RGS6: variants seen among roughly 807,000 people sequenced by gnomAD.
RGS6 encodes regulator of G protein signaling 6, also known as regulator of G-protein signaling 6.
RGS6 carries 30 observed loss-of-function variants against 78.5 expected under a neutral mutation model. That is an observed-to-expected ratio of 0.38 (90% CI 0.29 to 0.52). The LOEUF is 0.52. Among genes scored for constraint, RGS6 ranks in the 20% least tolerant of loss-of-function variants. The pLI, the probability that RGS6 is intolerant of heterozygous loss-of-function variation, is 0.85. For synonymous variants in RGS6, 206 were observed against 206.0 expected, an observed-to-expected ratio of 1.00 and a Z score of 0.00; for missense variants, 495 against 609.7, an observed-to-expected ratio of 0.81 and a Z score of 1.98.
At chr14:72,401,849 CTGTT>C (rs1196229975) in intron 3 of RGS6, among the ~76,000 whole-genome samples, 1 of 152,152 alleles carries the variant, frequency 6.6e-6, no homozygotes, top group Non-Finnish European at 1.5e-5. Context: ...AGCAAAAAGA[CTGTT>C]TGATTTGGAG....
the RGS6 span, chr14:72,612,552 C>T: frequency 3.9e-6 from 2 of 514,730 alleles, no homozygotes; most frequent in Admixed American, 2.0e-5. Flanking sequence ...CACCCCACTC[C>T]TTAGCATCTA....
intron 2 of RGS6, among the ~76,000 whole-genome samples, chr14:72,333,503 C>T (rs1187420904): frequency 6.6e-6 from 1 of 152,172 alleles, no homozygotes; most frequent in Non-Finnish European, 1.5e-5. Context: ...GCTCTCTGGC[C>T]CTCTTCTTTC....
chr14:72,442,618 C>G (rs2095245736), intron 3 of RGS6, among the ~76,000 whole-genome samples: 1 of 152,234 alleles, frequency 6.6e-6, no homozygotes, highest in Non-Finnish European at 1.5e-5. Context: ...GATAAACTCA[C>G]CACTTACTGA....
chr14:72,480,569 GT>G (rs2096352921), intron 12 of RGS6, among the ~76,000 whole-genome samples: 1 of 152,190 alleles, frequency 6.6e-6, no homozygotes, highest in Admixed American at 6.5e-5. Context: ...CGACACGAGG[GT>G]TTTTCATTAG....
chr14:72,454,472 T>G, intron 3 of RGS6, 56 bp from the exon 4 acceptor site: 12 of 1,526,056 alleles, frequency 7.9e-6, no homozygotes, highest in Non-Finnish European at 1.1e-5. Context: ...ATGTTTCTTC[T>G]GCCACAGTGT....
chr14:71,973,950 GA>G (rs1467438224), intron 2 of RGS6, among the ~76,000 whole-genome samples: 1 of 152,164 alleles, frequency 6.6e-6, no homozygotes, highest in Non-Finnish European at 1.5e-5. Flanking sequence ...TTAGTGTGGG[GA>G]ATAGCTCAGT....
intron 2 of RGS6, among the ~76,000 whole-genome samples, chr14:72,199,800 G>A (rs2041062598): frequency 6.6e-6 from 1 of 152,162 alleles, no homozygotes; most frequent in Admixed American, 6.5e-5. Flanking sequence ...TGTGATATAA[G>A]CCAGAGTTCA....
chr14:72,420,651 T>C (rs2094125151), intron 3 of RGS6, among the ~76,000 whole-genome samples: 1 of 152,150 alleles, frequency 6.6e-6, no homozygotes, highest in Admixed American at 6.5e-5. Context: ...TACCTGAAGG[T>C]CCAAGAACAC....
chr14:72,291,994 T>G (rs1197926023), intron 2 of RGS6, among the ~76,000 whole-genome samples: 1 of 152,064 alleles, frequency 6.6e-6, no homozygotes, highest in African/African-American at 2.4e-5. Flanking sequence ...AATACGTGTT[T>G]AAAAATCTGG....
chr14:72,360,372 A>G (rs1171858959), intron 3 of RGS6, among the ~76,000 whole-genome samples: 2 of 149,182 alleles, frequency 1.3e-5, no homozygotes, highest in Non-Finnish European at 1.5e-5. Flanking sequence ...ATACAAAAAA[A>G]TTAGCTGGGT....
chr14:72,196,931 C>T lies in RGS6; in HGVS notation c.85-155164C>T, dbSNP rs369877155. Among the ~76,000 whole-genome samples, 12 of 152,320 alleles carry T rather than the reference C, an allele frequency of 7.9e-5. No homozygotes were observed. The East Asian group carries it at 2.3e-3, about 29-fold the overall frequency. On this transcript the variant is annotated intron_variant, in intron 2 of 17. Transcript: ENST00000553525. ...TTGAGATCTGTAAATTCCCCAGAGA[C>T]TTAAATTGCTTGAATTATTGAGGGA...
chr14:72,312,225 G>GT (rs386364170), intron 2 of RGS6, among the ~76,000 whole-genome samples: 3,164 of 128,858 alleles, frequency 0.025, 91 homozygotes, highest in African/African-American at 0.066. Context: ...CTGAGAAATT[G>GT]TTTTTTTTTT....
At chr14:72,235,139 A>T (rs1300687270) in intron 2 of RGS6, among the ~76,000 whole-genome samples, 2 of 152,198 alleles carry the variant, frequency 1.3e-5, no homozygotes, top group Non-Finnish European at 2.9e-5. Context: ...TATTCTTGGC[A>T]TCTGGAACGG....
intron 2 of RGS6, among the ~76,000 whole-genome samples, chr14:72,129,399 A>C (rs547841482): frequency 9.8e-5 from 15 of 152,344 alleles, no homozygotes; most frequent in African/African-American, 3.6e-4. Flanking sequence ...AACAAACTGA[A>C]ATAAGTGTTG....
intron 2 of RGS6, among the ~76,000 whole-genome samples, chr14:72,261,666 G>A (rs1323553289): frequency 1.3e-5 from 2 of 152,114 alleles, no homozygotes; most frequent in Non-Finnish European, 2.9e-5. Flanking sequence ...GAGACATTGA[G>A]ATTCCAATAT....
chr14:72,393,547 A>C (rs532331625), intron 3 of RGS6, among the ~76,000 whole-genome samples: 1 of 152,318 alleles, frequency 6.6e-6, no homozygotes, highest in Admixed American at 6.5e-5. Context: ...AGTAAATACA[A>C]ACAGTAGAAC....
chr14:72,151,117 G>A (rs557857973), intron 2 of RGS6, among the ~76,000 whole-genome samples: 22 of 152,310 alleles, frequency 1.4e-4, no homozygotes, highest in African/African-American at 3.1e-4. Flanking sequence ...AAAGGGACAC[G>A]TAGAACGAAG....
At chr14:72,125,706 C>A (rs1019060978) in intron 2 of RGS6, among the ~76,000 whole-genome samples, 1 of 152,092 alleles carries the variant, frequency 6.6e-6, no homozygotes, top group African/African-American at 2.4e-5. Context: ...AATTGGTGAT[C>A]TGCACAGACA....
chr14:71,989,014 T>C (rs2094842198), intron 2 of RGS6, among the ~76,000 whole-genome samples: 1 of 152,254 alleles, frequency 6.6e-6, no homozygotes, highest in Non-Finnish European at 1.5e-5. Context: ...AGTGTTGAGC[T>C]GGCTGTTCTG....
Sources: allele counts gnomAD v4.1 joint callset (sites outside exome capture counted in the v4.1 genomes callset), GRCh38; gene constraint gnomAD v4.1.1; transcripts MANE v1.5; gene names NCBI Gene and HGNC (gene_info 2026-07-23, HGNC 2026-07-21).